Variants in AK4 observed in about 807,000 individuals in gnomAD.
The protein encoded by AK4 is adenylate kinase 4, mitochondrial.
In AK4, 13 loss-of-function variants were observed where a neutral mutation model predicts 24.6. The ratio of observed to expected loss-of-function variants is 0.53; its 90% CI spans 0.34 to 0.84. AK4 has a LOEUF of 0.84. AK4 is among the 40% of genes least tolerant of loss of function. The pLI, the probability that AK4 is intolerant of heterozygous loss-of-function variation, is 0.01. For missense variants in AK4, 192 were observed against 288.2 expected (o/e 0.67, Z 2.42); for synonymous variants, 88 against 107.0 (o/e 0.82, Z 1.10).
At chr1:65,157,130 T>G (rs1650010165) in intron 1 of AK4, among the ~76,000 whole-genome samples, 1 of 152,210 alleles carries the variant, frequency 6.6e-6, no homozygotes, top group Non-Finnish European at 1.5e-5. Flanking sequence ...TATCTGGTTC[T>G]TCATTCAGTC....
At chr1:65,198,163 A>G (rs1651542101) in intron 2 of AK4, among the ~76,000 whole-genome samples, 1 of 152,230 alleles carries the variant, frequency 6.6e-6, no homozygotes, top group Non-Finnish European at 1.5e-5. Flanking sequence ...TCAGGTTGTT[A>G]CTAAGGCAGT....
intron 2 of AK4, among the ~76,000 whole-genome samples, chr1:65,211,665 A>G (rs1651975477): frequency 6.6e-6 from 1 of 152,244 alleles, no homozygotes; most frequent in African/African-American, 2.4e-5. Flanking sequence ...TTTTGAGATA[A>G]TATTTACTCA....
intron 3 of AK4, among the ~76,000 whole-genome samples, chr1:65,222,725 CAT>C (rs1407152105): frequency 2.6e-5 from 4 of 152,162 alleles, no homozygotes; most frequent in South Asian, 2.1e-4. Flanking sequence ...ACTCATAAAT[CAT>C]AAGAATAAGT....
At chr1:65,159,518 G>A (rs1224936189) in intron 1 of AK4, among the ~76,000 whole-genome samples, 3 of 152,130 alleles carry the variant, frequency 2.0e-5, no homozygotes, top group Non-Finnish European at 2.9e-5. Flanking sequence ...GTTAGCCAGA[G>A]TGGTGGCGCA....
At chr1:65,201,937 C>A (rs1392362833) in intron 2 of AK4, among the ~76,000 whole-genome samples, 1 of 152,098 alleles carries the variant, frequency 6.6e-6, no homozygotes, top group Admixed American at 6.6e-5. Context: ...TGAGGCTGGA[C>A]AAGTGGACAG....
At chr1:65,152,360 C>CTATA (rs1649812696) in intron 1 of AK4, among the ~76,000 whole-genome samples, 95 of 27,936 alleles carry the variant, frequency 3.4e-3, no homozygotes, top group Admixed American at 6.0e-3. Context: ...CTCTCTCTCT[C>CTATA]TATATATATA....
At chr1:65,223,982 G>C (rs897936698) in intron 3 of AK4, among the ~76,000 whole-genome samples, 1 of 147,750 alleles carries the variant, frequency 6.8e-6, no homozygotes, top group Non-Finnish European at 1.5e-5. Context: ...AACAGAGTGA[G>C]ACTCCGTCTT....
chr1:65,197,735 TATTTTGCCTTG>T (rs1372956059), intron 2 of AK4, among the ~76,000 whole-genome samples: 1 of 152,168 alleles, frequency 6.6e-6, no homozygotes, highest in Non-Finnish European at 1.5e-5. Flanking sequence ...GGAGCCAGAG[TATTTTGCCTTG>T]ATTTTGCGAA....
At chr1:65,193,040 GC>G (rs1255594547) in intron 2 of AK4, among the ~76,000 whole-genome samples, 1 of 152,158 alleles carries the variant, frequency 6.6e-6, no homozygotes, top group Non-Finnish European at 1.5e-5. Context: ...CACTCCCATG[GC>G]TCCATTAGGC....
chr1:65,170,976 G>C (rs1397207923), intron 1 of AK4, among the ~76,000 whole-genome samples: 1 of 57,778 alleles, frequency 1.7e-5, no homozygotes, highest in Admixed American at 1.9e-4. Flanking sequence ...TTTTTTTTTT[G>C]AGACAAGGTC....
At chr1:65,223,917 C>T (rs372089232) in intron 3 of AK4, among the ~76,000 whole-genome samples, 1 of 151,990 alleles carries the variant, frequency 6.6e-6, no homozygotes, top group African/African-American at 2.4e-5. Context: ...CACTTGAACC[C>T]GGGAGGCGGA....
At chr1:65,156,318 A>G (rs1033872400) in intron 1 of AK4, among the ~76,000 whole-genome samples, 1 of 151,932 alleles carries the variant, frequency 6.6e-6, no homozygotes, top group African/African-American at 2.4e-5. Context: ...ATTTTGTCAT[A>G]TATCTATAGC....
At chr1:65,189,737 CCTAA>C (rs1651232747) in intron 1 of AK4, among the ~76,000 whole-genome samples, 1 of 151,646 alleles carries the variant, frequency 6.6e-6, no homozygotes, top group African/African-American at 2.4e-5. Flanking sequence ...TTCTGCTGAA[CCTAA>C]CTCACAATTT....
Position 65,229,807 on chromosome 1 carries a change from A to G in AK4, c.*3630A>G, listed in dbSNP as rs1245163861. The G allele has an allele frequency of 1.3e-5, 2 of 152,204 alleles. No individual in the cohort carries two copies. Among genetic ancestry groups the G allele is most frequent in the East Asian group, 1.9e-4 (1 of 5,172 alleles). 9.4% of individuals were successfully genotyped at this position (152,204 alleles called of 1,614,324 possible). A position where few individuals can be genotyped will look rare whatever the true frequency, so the allele number is the denominator to read the frequency against. ...CTTTACCCTTGAGCCGTCCCCAGCC[A>G]TGGTGCTCACACATAGGCTTTTGAG... On this transcript the variant is annotated 3_prime_UTR_variant, in exon 5 of 5. Transcript: ENST00000327299.
chr1:65,172,806 C>T (rs1179989570), intron 1 of AK4, among the ~76,000 whole-genome samples: 1 of 149,142 alleles, frequency 6.7e-6, no homozygotes, highest in East Asian at 2.0e-4. Flanking sequence ...ATGCTTTCTT[C>T]TCTTCTTCTT....
chr1:65,162,817 C>T (rs1362961754), intron 1 of AK4, among the ~76,000 whole-genome samples: 1 of 152,210 alleles, frequency 6.6e-6, no homozygotes, highest in Non-Finnish European at 1.5e-5. Context: ...CCATTTCCCC[C>T]TTGCCCCAGC....
At chr1:65,166,289 C>T (rs1650325992) in intron 1 of AK4, among the ~76,000 whole-genome samples, 1 of 149,730 alleles carries the variant, frequency 6.7e-6, no homozygotes, top group African/African-American at 2.5e-5. Context: ...TGAATGGAAG[C>T]ACAATCCAGT....
chr1:65,168,029 A>G (rs1006701682), intron 1 of AK4, among the ~76,000 whole-genome samples: 3 of 151,670 alleles, frequency 2.0e-5, no homozygotes, highest in African/African-American at 7.3e-5. Flanking sequence ...TTCCCATATC[A>G]TTTCTAATTC....
intron 2 of AK4, among the ~76,000 whole-genome samples, chr1:65,214,748 A>C (rs1020946912): frequency 6.6e-6 from 1 of 152,180 alleles, no homozygotes; most frequent in African/African-American, 2.4e-5. Flanking sequence ...CTCCCCTGCC[A>C]CCACTTTCCT....
Sources: gnomAD v4.1 joint callset for allele counts (sites outside exome capture counted in the v4.1 genomes callset) on GRCh38, gnomAD v4.1.1 for gene constraint, MANE v1.5 for transcripts, NCBI Gene and HGNC (gene_info 2026-07-23, HGNC 2026-07-21) for gene names.